Variants in FRMD4B observed in about 807,000 individuals in gnomAD.
The protein encoded by FRMD4B is FERM domain containing 4B, also known as FERM domain-containing protein 4B.
FRMD4B carries 74 observed loss-of-function variants against 141.5 expected under a neutral mutation model. The observed-to-expected ratio is 0.52, with a 90% CI of 0.43 to 0.63. The LOEUF is 0.63. Among genes scored for constraint, FRMD4B ranks in the 30% least tolerant of loss-of-function variants. The pLI, the probability that FRMD4B is intolerant of heterozygous loss-of-function variation, is 0.00. For synonymous variants in FRMD4B, 506 were observed against 467.9 expected (o/e 1.08, Z -1.05); for missense variants, 1,366 against 1,253.4 (o/e 1.09, Z -1.36).
chr3:69,307,219 C>A (rs116923040), intron 3 of FRMD4B, among the ~76,000 whole-genome samples: 1 of 152,030 alleles, frequency 6.6e-6, no homozygotes, highest in Non-Finnish European at 1.5e-5. Flanking sequence ...TTTGGTTGAA[C>A]CAAAGGAGGT....
intron 5 of FRMD4B, among the ~76,000 whole-genome samples, chr3:69,256,624 G>A (rs1042504966): frequency 2.0e-5 from 3 of 152,102 alleles, no homozygotes; most frequent in African/African-American, 4.8e-5. Flanking sequence ...CTGGCCACCC[G>A]CACTGGTTTT....
At chr3:69,244,077 C>T (rs574575378) in intron 7 of FRMD4B, among the ~76,000 whole-genome samples, 39 of 152,034 alleles carry the variant, frequency 2.6e-4, no homozygotes, top group African/African-American at 8.9e-4. Flanking sequence ...ACTGTAATAC[C>T]CAATTATTAG....
intron 1 of FRMD4B, among the ~76,000 whole-genome samples, chr3:69,448,023 ATCT>A (rs950223998): frequency 6.8e-6 from 1 of 146,974 alleles, no homozygotes; most frequent in African/African-American, 2.5e-5. Flanking sequence ...TCCAATACAA[ATCT>A]TTTTTTTTTT....
chr3:69,415,456 G>A (rs973203731), intron 2 of FRMD4B, among the ~76,000 whole-genome samples: 8 of 151,494 alleles, frequency 5.3e-5, no homozygotes, highest in African/African-American at 1.2e-4. Context: ...CTTGTCCTAC[G>A]CCCCCTCTTC....
intron 1 of FRMD4B, among the ~76,000 whole-genome samples, chr3:69,439,344 G>A (rs904024992): frequency 2.0e-5 from 3 of 152,160 alleles, no homozygotes; most frequent in Middle Eastern, 3.2e-3. Context: ...AGGCCTCCCT[G>A]TTTAGTTGTG....
chr3:69,186,994 T>G (rs1251751765), intron 19 of FRMD4B, among the ~76,000 whole-genome samples: 3 of 152,176 alleles, frequency 2.0e-5, no homozygotes, highest in Admixed American at 2.0e-4. Flanking sequence ...CCTGAGATAT[T>G]TGAGAAAATG....
At chr3:69,350,286 A>C (rs1022505329) in intron 1 of FRMD4B, among the ~76,000 whole-genome samples, 24 of 152,214 alleles carry the variant, frequency 1.6e-4, no homozygotes, top group Admixed American at 6.5e-5. Context: ...ACCATCTCAC[A>C]CCAGTTAGAA....
intron 1 of FRMD4B, among the ~76,000 whole-genome samples, chr3:69,501,228 C>CTTTTTTT (rs534864440): frequency 8.5e-6 from 1 of 117,302 alleles, no homozygotes; most frequent in African/African-American, 3.2e-5. Flanking sequence ...CATGGACCTT[C>CTTTTTTT]TTTTTTTTTT....
intron 2 of FRMD4B, among the ~76,000 whole-genome samples, chr3:69,410,645 G>C (rs1436329337): frequency 6.7e-6 from 1 of 149,222 alleles, no homozygotes; most frequent in African/African-American, 2.5e-5. Context: ...TACGGGTTCA[G>C]CATCTTCTCT....
Position 69,176,662 on chromosome 3 carries a change from A to G in FRMD4B, c.2852-6T>C. 6.3e-7 allele frequency: 1 copy of G among 1,587,874 alleles called. No individual in the cohort carries two copies. Among genetic ancestry groups the G allele is most frequent in the Non-Finnish European group, 8.6e-7 (1 of 1,158,156 alleles). ...AGAAGCATTTGTAGAAGACACTGGAAATAAAAATGGAAAAAGATAAAATTA... is the reference window on the plus strand; with the variant it reads ...AGAAGCATTTGTAGAAGACACTGGAGATAAAAATGGAAAAAGATAAAATTA... On this transcript the variant is annotated splice_polypyrimidine_tract_variant and splice_region_variant and intron_variant, in intron 21 of 22. Coordinates refer to ENST00000398540, the MANE Select transcript of FRMD4B (RefSeq NM_015123.3).
chr3:69,500,022 C>T (rs1006432297), intron 1 of FRMD4B, among the ~76,000 whole-genome samples: 5 of 152,194 alleles, frequency 3.3e-5, no homozygotes, highest in African/African-American at 4.8e-5. Flanking sequence ...GGATCTGGAC[C>T]GTGGTCAAGG....
Position 69,361,938 on chromosome 3 carries a change from T to G in FRMD4B, c.162+23890A>C, listed in dbSNP as rs1165871337. Reference sequence around the variant, plus strand: ...TACGTTTAACTGCCAAATAATTTCCTAAAAGGTCATACCATTTTACACTGC... The same window carrying G: ...TACGTTTAACTGCCAAATAATTTCCGAAAAGGTCATACCATTTTACACTGC... On this transcript the variant is annotated intron_variant, in intron 1 of 22. Coordinates refer to ENST00000398540, the MANE Select transcript of FRMD4B (RefSeq NM_015123.3). Among the ~76,000 whole-genome samples the G allele has an allele frequency of 2.0e-5, 3 of 152,226 alleles. No individual in the cohort carries two copies. In the East Asian group the frequency reaches 5.8e-4, roughly 29 times the overall value.
chr3:69,248,145 G>GTT (rs576660380), intron 7 of FRMD4B, among the ~76,000 whole-genome samples: 2 of 146,280 alleles, frequency 1.4e-5, no homozygotes, highest in African/African-American at 5.0e-5. Context: ...TTATACTCTT[G>GTT]TTTTTTTTTT....
chr3:69,512,699 G>A (rs1706708781), intron 1 of FRMD4B, among the ~76,000 whole-genome samples: 1 of 152,162 alleles, frequency 6.6e-6, no homozygotes, highest in African/African-American at 2.4e-5. Context: ...TCAGACACAT[G>A]AACACAGCTG....
At chr3:69,265,465 T>TTC (rs1348005321) in intron 5 of FRMD4B, among the ~76,000 whole-genome samples, 5 of 137,984 alleles carry the variant, frequency 3.6e-5, no homozygotes, top group African/African-American at 1.3e-4. Context: ...TTTTTTTTTT[T>TTC]TGAGATGAAG....
intron 22 of FRMD4B, among the ~76,000 whole-genome samples, chr3:69,173,778 T>C (rs145013354): frequency 1.0e-3 from 157 of 152,334 alleles, no homozygotes; most frequent in African/African-American, 3.6e-3. Context: ...TTAACTCTAC[T>C]TATTGGAATA....
chr3:69,251,380 T>C (rs2093462811), intron 5 of FRMD4B, among the ~76,000 whole-genome samples: 2 of 152,216 alleles, frequency 1.3e-5, no homozygotes, highest in Non-Finnish European at 1.5e-5. Flanking sequence ...CAGAGGTAGT[T>C]AGGCTCAGTG....
chr3:69,199,560 C>T (rs2092946284), intron 11 of FRMD4B, among the ~76,000 whole-genome samples: 1 of 152,202 alleles, frequency 6.6e-6, no homozygotes, highest in African/African-American at 2.4e-5. Flanking sequence ...CACTTTCCTA[C>T]CTATGAAGAG....
intron 1 of FRMD4B, among the ~76,000 whole-genome samples, chr3:69,483,544 C>T (rs1028035686): frequency 1.3e-4 from 20 of 152,256 alleles, no homozygotes; most frequent in African/African-American, 4.6e-4. Context: ...AACTGCCTCA[C>T]CTCATATTAA....
Sources: allele counts gnomAD v4.1 joint callset (sites outside exome capture counted in the v4.1 genomes callset), GRCh38; gene constraint gnomAD v4.1.1; transcripts MANE v1.5; gene names NCBI Gene and HGNC (gene_info 2026-07-23, HGNC 2026-07-21).